The following SYNE1 variants were observed in gnomAD, a reference collection of about 807,000 sequenced individuals.
The protein encoded by SYNE1 is spectrin repeat containing nuclear envelope protein 1, also known as nesprin-1.
A neutral mutation model predicts 1,111.0 loss-of-function variants in SYNE1; 616 were observed. The observed-to-expected ratio is 0.55, with a 90% CI of 0.52 to 0.59. The LOEUF is 0.59. Ranked by LOEUF, SYNE1 falls within the 20% of genes least tolerant of loss-of-function variation. The pLI is 0.00. For missense variants in SYNE1, 10,006 were observed against 10,417.0 expected (o/e 0.96, Z 1.72); for synonymous variants, 3,855 against 3,825.8 (o/e 1.01, Z -0.28).
chr6:152,519,001 G>A (rs2695264), intron 6 of SYNE1, among the ~76,000 whole-genome samples: 1 of 150,374 alleles, frequency 6.7e-6, no homozygotes, highest in South Asian at 2.1e-4. Context: ...GTGGGGGGAG[G>A]GGGGAGGGAT....
At chr6:152,173,575 G>A (rs112303578) in intron 130 of SYNE1, among the ~76,000 whole-genome samples, 10 of 152,294 alleles carry the variant, frequency 6.6e-5, no homozygotes, top group African/African-American at 1.9e-4. Flanking sequence ...GTGCACTAAC[G>A]AAGCACCAAT....
At chr6:152,436,328 G>A (rs979111404) in intron 32 of SYNE1, among the ~76,000 whole-genome samples, 3 of 151,880 alleles carry the variant, frequency 2.0e-5, no homozygotes, top group Non-Finnish European at 4.4e-5. Flanking sequence ...TTGAGATAGG[G>A]TCTTGCTCTT....
intron 3 of SYNE1, among the ~76,000 whole-genome samples, chr6:152,587,472 T>C (rs1196153904): frequency 1.3e-5 from 2 of 152,110 alleles, no homozygotes; most frequent in Non-Finnish European, 2.9e-5. Flanking sequence ...AAAAGACCAA[T>C]ATTGGAGAAA....
intron 81 of SYNE1, 109 bp downstream of exon 81, chr6:152,324,975 C>T (rs2096016884): frequency 2.3e-6 from 3 of 1,296,924 alleles, no homozygotes; most frequent in East Asian, 2.3e-5. Flanking sequence ...TTTAAAAAGC[C>T]TTTATTACTT....
chr6:152,321,287 A>G lies in SYNE1; in HGVS notation c.16187T>C (p.Leu5396Pro), dbSNP rs1295370187. 1.2e-6 allele frequency: 2 copies of G among 1,613,896 alleles called. No homozygotes were observed. Among genetic ancestry groups the G allele is most frequent in the Non-Finnish European group, 1.7e-6 (2 of 1,179,916 alleles). ...CGCCACTTCAGCCAACTGAAGGGAG[A>G]GTTCAGAAGGTAATATGGTATAAAG... Reference protein sequence around the residue: ...LGLYTILPSELSLQLAEVALD... With the variant: ...LGLYTILPSEPSLQLAEVALD... The change falls in exon 84 of 146, where the codon CTC (leucine) becomes CCC (proline). Residue 5396 changes from leucine to proline, a missense_variant. By Grantham distance (98) the Leu-to-Pro change is moderately conservative. Coordinates refer to ENST00000367255, the MANE Select transcript of SYNE1 (RefSeq NM_182961.4).
At chr6:152,324,589 T>C (rs975914537) in intron 81 of SYNE1, among the ~76,000 whole-genome samples, 1 of 151,844 alleles carries the variant, frequency 6.6e-6, no homozygotes, top group Admixed American at 6.6e-5. Flanking sequence ...GGTCAGGAGA[T>C]TGAGAACATC....
chr6:152,424,741 C>T (rs990731862), intron 39 of SYNE1, among the ~76,000 whole-genome samples: 9 of 152,160 alleles, frequency 5.9e-5, no homozygotes, highest in African/African-American at 9.7e-5. Context: ...ATTTCCAGCA[C>T]ATAGAAGAGT....
At chr6:152,413,635 G>T (rs1390112666) in intron 41 of SYNE1, 104 bp from the exon 42 acceptor site, 2 of 1,177,766 alleles carry the variant, frequency 1.7e-6, no homozygotes, top group Admixed American at 2.2e-5. Flanking sequence ...CATTTAGACA[G>T]CTAGAAAAAC....
chr6:152,331,906 A>G lies in SYNE1; in HGVS notation c.12795-16T>C. On this transcript the variant is annotated splice_polypyrimidine_tract_variant and intron_variant, in intron 77 of 145. Transcript: ENST00000367255. The stretch of plus-strand genomic sequence containing the variant: ...TGCATCAGATCTGAAAATACATGGA[A>G]AGGTATAAGAGCAAATTAGCTGTAG... 2 of 1,607,730 alleles carry G rather than the reference A, an allele frequency of 1.2e-6. No individual in the cohort carries two copies. Among genetic ancestry groups the G allele is most frequent in the Non-Finnish European group, 1.7e-6 (2 of 1,179,972 alleles).
intron 3 of SYNE1, among the ~76,000 whole-genome samples, chr6:152,567,651 T>C (rs1352275897): frequency 6.6e-6 from 1 of 152,202 alleles, no homozygotes; most frequent in Non-Finnish European, 1.5e-5. Flanking sequence ...CTAGTTATTA[T>C]AGCAGTAACT....
At chr6:152,540,214 T>C (rs1436989223) in intron 3 of SYNE1, among the ~76,000 whole-genome samples, 193 bp from the exon 4 acceptor site, 1 of 152,202 alleles carries the variant, frequency 6.6e-6, no homozygotes, top group African/African-American at 2.4e-5. Flanking sequence ...CTTTAAAAAT[T>C]ATCTGCAAAT....
At chr6:152,514,250 T>C (rs1261218979) in intron 6 of SYNE1, among the ~76,000 whole-genome samples, 1 of 152,164 alleles carries the variant, frequency 6.6e-6, no homozygotes, top group African/African-American at 2.4e-5. Flanking sequence ...AGTGATAGAC[T>C]GGATAAGGAA....
intron 4 of SYNE1, among the ~76,000 whole-genome samples, chr6:152,536,386 A>G (rs11969454): frequency 8.3e-6 from 1 of 120,652 alleles, no homozygotes; most frequent in East Asian, 2.7e-4. Context: ...TAATATATAT[A>G]TATTTATATA....
chr6:152,441,347 C>G (rs1306653983), intron 31 of SYNE1, 77 bp from the exon 32 acceptor site: 2 of 1,479,616 alleles, frequency 1.4e-6, no homozygotes, highest in Non-Finnish European at 1.8e-6. Flanking sequence ...GTTTGCAAAA[C>G]TGTCAACTTT....
At chr6:152,411,721 A>AC (rs2098049711) in intron 42 of SYNE1, among the ~76,000 whole-genome samples, 2 of 107,136 alleles carry the variant, frequency 1.9e-5, no homozygotes, top group Non-Finnish European at 3.6e-5. Flanking sequence ...ACACACACAC[A>AC]CACACACCCC....
Position 152,628,469 on chromosome 6 carries a change from C to A in SYNE1, c.-138G>T. 1 of 828,418 alleles carries A rather than the reference C, an allele frequency of 1.2e-6. No homozygotes were observed. The highest frequency in any genetic ancestry group is 2.0e-6 in the Non-Finnish European group (1 of 489,552). The allele number at this position is 828,418 out of a possible 1,614,324, so 51.3% of individuals were successfully genotyped here. On this transcript the variant is annotated 5_prime_UTR_variant, in exon 3 of 146. Transcript: ENST00000367255. ...ATGAATTCCAGGCCTTTGCAGCACTCAACAAGGAGGCAGCTCTCCCAAAGA... is the reference window on the plus strand; with the variant it reads ...ATGAATTCCAGGCCTTTGCAGCACTAAACAAGGAGGCAGCTCTCCCAAAGA...
intron 41 of SYNE1, among the ~76,000 whole-genome samples, chr6:152,415,241 G>A (rs2154179906): frequency 6.6e-6 from 1 of 152,272 alleles, no homozygotes. Context: ...AATTTACTAA[G>A]GGAACTTATC....
intron 3 of SYNE1, among the ~76,000 whole-genome samples, chr6:152,574,897 TTTTG>T (rs144878689): frequency 2.4e-3 from 368 of 152,280 alleles, no homozygotes; most frequent in African/African-American, 8.0e-3. Flanking sequence ...TTGTTTTTTG[TTTTG>T]TTTGTTTGTT....
intron 23 of SYNE1, 26 bp from the exon 24 acceptor site, chr6:152,455,616 T>G: frequency 6.2e-7 from 1 of 1,613,470 alleles, no homozygotes; most frequent in Non-Finnish European, 8.5e-7. Flanking sequence ...AATCATAATG[T>G]GATGCTGCTT....
Sources: gnomAD v4.1 joint callset for allele counts (sites outside exome capture counted in the v4.1 genomes callset) on GRCh38, gnomAD v4.1.1 for gene constraint, MANE v1.5 for transcripts, NCBI Gene and HGNC (gene_info 2026-07-23, HGNC 2026-07-21) for gene names.